CCM2: variants seen among roughly 807,000 people sequenced by gnomAD.
The protein encoded by CCM2 is cerebral cavernous malformations 2 protein.
CCM2 carries 25 observed loss-of-function variants against 44.9 expected under a neutral mutation model. The ratio of observed to expected loss-of-function variants is 0.56; its 90% CI spans 0.41 to 0.78. The LOEUF is 0.78. Among genes scored for constraint, CCM2 ranks in the 30% least tolerant of loss-of-function variants. The pLI, the probability that CCM2 is intolerant of heterozygous loss-of-function variation, is 0.00. For missense variants in CCM2, 481 were observed against 580.6 expected, an observed-to-expected ratio of 0.83 and a Z score of 1.76; for synonymous variants, 219 against 241.1, an observed-to-expected ratio of 0.91 and a Z score of 0.85.
chr7:45,056,950 C>T (rs1180553942), intron 2 of CCM2, among the ~76,000 whole-genome samples: 1 of 152,124 alleles, frequency 6.6e-6, no homozygotes, highest in African/African-American at 2.4e-5. Context: ...TTTTAGGTCT[C>T]ACATTTATAT....
chr7:45,015,701 G>A (rs1796237346), intron 1 of CCM2, among the ~76,000 whole-genome samples: 1 of 152,170 alleles, frequency 6.6e-6, no homozygotes, highest in South Asian at 2.1e-4. Flanking sequence ...GTCCAGAGGT[G>A]GCCCAGGACG....
At chr7:45,030,511 C>T (rs1272342321) in intron 1 of CCM2, among the ~76,000 whole-genome samples, 1 of 152,158 alleles carries the variant, frequency 6.6e-6, no homozygotes, top group Non-Finnish European at 1.5e-5. Flanking sequence ...TCACAACTCA[C>T]TGCAGCCTCA....
intron 2 of CCM2, among the ~76,000 whole-genome samples, chr7:45,054,667 T>G (rs1195874983): frequency 3.3e-5 from 5 of 152,336 alleles, no homozygotes; most frequent in African/African-American, 7.2e-5. Flanking sequence ...CCATACCGTC[T>G]TCTTTCACTA....
At position 45,068,218 on chromosome 7, in the gene CCM2, A is replaced by G. The variant is rs71548258; in HGVS notation, c.473-225A>G. On this transcript the variant is annotated intron_variant, in intron 4 of 9. Coordinates refer to ENST00000258781, the MANE Select transcript of CCM2 (RefSeq NM_031443.4). ...TTGAAGCGTGTGAAACTGCAGGATG[A>G]CATGCAGCTCTGGTGCCCTTGGAGC... The G allele has an allele frequency of 9.3e-3, 5,703 of 610,956 alleles. 44 individuals carry two copies. Among genetic ancestry groups the G allele is most frequent in the Non-Finnish European group, 0.013 (4,393 of 339,444 alleles). The allele number at this position is 610,956 out of a possible 1,614,324, so 37.8% of individuals were successfully genotyped here. A position where few individuals can be genotyped will look rare whatever the true frequency, so the allele number is the denominator to read the frequency against.
intron 1 of CCM2, among the ~76,000 whole-genome samples, chr7:45,007,475 G>T (rs1404043454): frequency 6.6e-6 from 1 of 152,178 alleles, no homozygotes; most frequent in Non-Finnish European, 1.5e-5. Flanking sequence ...GGAACCATTA[G>T]GATTTTTTGT....
intron 1 of CCM2, among the ~76,000 whole-genome samples, chr7:45,032,400 T>C (rs1797009818): frequency 6.6e-6 from 1 of 151,982 alleles, no homozygotes; most frequent in African/African-American, 2.4e-5. Flanking sequence ...CCTCTGCTAG[T>C]CTGTGAGCAG....
chr7:45,015,155 T>C (rs1266610944), intron 1 of CCM2, among the ~76,000 whole-genome samples: 1 of 152,226 alleles, frequency 6.6e-6, no homozygotes, highest in African/African-American at 2.4e-5. Context: ...ATAGCTCTTT[T>C]TCTGGATCTA....
chr7:45,075,673 C>T, intron 9 of CCM2, 104 bp from the exon 10 acceptor site: 12 of 1,435,258 alleles, frequency 8.4e-6, no homozygotes, highest in Non-Finnish European at 1.2e-5. Flanking sequence ...AGGCCATGCA[C>T]CAGGGGCAGC....
chr7:45,068,363 TG>T, intron 4 of CCM2, 79 bp from the exon 5 acceptor site: 1 of 1,589,532 alleles, frequency 6.3e-7, no homozygotes, highest in East Asian at 2.2e-5. Context: ...CCTGTTTCCA[TG>T]GCGGCCTCAG....
chr7:45,038,795 C>G (rs999750963), intron 2 of CCM2, among the ~76,000 whole-genome samples: 4 of 152,210 alleles, frequency 2.6e-5, no homozygotes, highest in Admixed American at 2.0e-4. Context: ...CCTTGCAGGT[C>G]TAACAGTCAC....
At chr7:45,024,172 G>GAA (rs1796599222) in intron 1 of CCM2, among the ~76,000 whole-genome samples, 1 of 152,050 alleles carries the variant, frequency 6.6e-6, no homozygotes, top group Non-Finnish European at 1.5e-5. Flanking sequence ...TGGACTTTTT[G>GAA]GATTTCTACT....
intron 6 of CCM2, chr7:45,072,244 G>A: frequency 3.0e-6 from 1 of 329,872 alleles, no homozygotes; most frequent in Middle Eastern, 1.1e-3. Context: ...GAATCCTGTG[G>A]CTTCACTGGG....
rs1377376628 is a variant in CCM2 at position 45,000,215 on chromosome 7, C to G, written c.-119C>G. On this transcript the variant is annotated 5_prime_UTR_variant, in exon 1 of 10. Transcript: ENST00000258781. Reference sequence around the variant, plus strand: ...GCGGCCGGGGCGGAGACTTCGGGCCCGGCTGGCGGGCGGCGCCGGGAGCGC... The same window carrying G: ...GCGGCCGGGGCGGAGACTTCGGGCCGGGCTGGCGGGCGGCGCCGGGAGCGC... 9.6e-5 allele frequency: 50 copies of G among 520,880 alleles called. No homozygotes were observed. Among genetic ancestry groups the G allele is most frequent in the Non-Finnish European group, 1.1e-4 (49 of 433,148 alleles). 32.3% of individuals were successfully genotyped at this position (520,880 alleles called of 1,614,324 possible).
At chr7:45,003,141 T>TCTCAGCTCA (rs1195583836) in intron 1 of CCM2, among the ~76,000 whole-genome samples, 1 of 152,152 alleles carries the variant, frequency 6.6e-6, no homozygotes, top group Non-Finnish European at 1.5e-5. Context: ...AATGGCACGA[T>TCTCAGCTCA]CTCAGCTCAC....
chr7:45,052,335 G>A (rs935770140), intron 2 of CCM2, among the ~76,000 whole-genome samples: 1 of 152,248 alleles, frequency 6.6e-6, no homozygotes, highest in African/African-American at 2.4e-5. Flanking sequence ...TGGCAGGTCT[G>A]CCACGGTGAA....
intron 2 of CCM2, among the ~76,000 whole-genome samples, chr7:45,038,701 A>G (rs1797342877): frequency 6.6e-6 from 1 of 152,204 alleles, no homozygotes; most frequent in Non-Finnish European, 1.5e-5. Flanking sequence ...GTGCTGCTCC[A>G]CCAGAAGAGG....
chr7:45,039,914 C>G (rs956291397), intron 2 of CCM2, among the ~76,000 whole-genome samples: 59 of 151,982 alleles, frequency 3.9e-4, no homozygotes, highest in Non-Finnish European at 7.6e-4. Context: ...GTAATCCCAG[C>G]TACTTGGGAG....
intron 1 of CCM2, among the ~76,000 whole-genome samples, chr7:45,007,449 AT>A (rs1795891348): frequency 6.6e-6 from 1 of 152,164 alleles, no homozygotes. Context: ...GGGAGTTTAC[AT>A]TTGGATTTGT....
At chr7:45,037,207 A>G (rs141939346) in intron 1 of CCM2, among the ~76,000 whole-genome samples, 1 of 138,734 alleles carries the variant, frequency 7.2e-6, no homozygotes, top group African/African-American at 2.7e-5. Flanking sequence ...AAGCTTTCTT[A>G]CGGAGTTATT....
Sources: allele counts gnomAD v4.1 joint callset (sites outside exome capture counted in the v4.1 genomes callset), GRCh38; gene constraint gnomAD v4.1.1; transcripts MANE v1.5; gene names NCBI Gene and HGNC (gene_info 2026-07-23, HGNC 2026-07-21).